The following PIP4K2A variants were observed in gnomAD, a reference collection of about 807,000 sequenced individuals.
PIP4K2A encodes phosphatidylinositol-5-phosphate 4-kinase type 2 alpha, also known as phosphatidylinositol 5-phosphate 4-kinase type-2 alpha.
In PIP4K2A, 14 loss-of-function variants were observed where a neutral mutation model predicts 42.9. The observed-to-expected ratio is 0.33, with a 90% confidence interval of 0.22 to 0.51. The LOEUF (loss-of-function observed/expected upper bound fraction) is 0.51. Among genes scored for constraint, PIP4K2A ranks in the 20% least tolerant of loss-of-function variants. The pLI is 0.97. For missense variants in PIP4K2A, 434 were observed against 519.8 expected (o/e 0.83, Z 1.61); for synonymous variants, 192 against 192.2 (o/e 1.00, Z 0.01).
At chr10:22,566,984 AAAC>A (rs1170462800) in intron 6 of PIP4K2A, among the ~76,000 whole-genome samples, 4 of 152,250 alleles carry the variant, frequency 2.6e-5, no homozygotes, top group African/African-American at 7.2e-5. Context: ...CTGAATGAAC[AAAC>A]AAAAGTAGAT....
At chr10:22,640,724 CG>C (rs111280378) in intron 1 of PIP4K2A, among the ~76,000 whole-genome samples, 76 of 152,254 alleles carry the variant, frequency 5.0e-4, no homozygotes, top group African/African-American at 1.7e-3. Flanking sequence ...GGAATCTAAA[CG>C]GGGTGATTGA....
At chr10:22,554,106 A>C (rs571077222) in intron 6 of PIP4K2A, among the ~76,000 whole-genome samples, 1 of 152,162 alleles carries the variant, frequency 6.6e-6, no homozygotes, top group East Asian at 1.9e-4. Context: ...GCGCCACTGC[A>C]CTCCAGCCTG....
At chr10:22,540,152 G>T in intron 8 of PIP4K2A, 78 bp from the exon 9 acceptor site, 2 of 787,252 alleles carry the variant, frequency 2.5e-6, no homozygotes, top group Non-Finnish European at 2.3e-6. Context: ...GAGGGAGGGA[G>T]GGAGAAGTGA....
At chr10:22,657,175 T>C (rs762438438) in intron 1 of PIP4K2A, among the ~76,000 whole-genome samples, 2 of 152,170 alleles carry the variant, frequency 1.3e-5, no homozygotes, top group Admixed American at 6.5e-5. Context: ...CAGGCCACAA[T>C]TGGAACAGAA....
intron 1 of PIP4K2A, among the ~76,000 whole-genome samples, chr10:22,700,584 A>T (rs192103759): frequency 2.2e-4 from 33 of 152,146 alleles, no homozygotes; most frequent in Non-Finnish European, 4.0e-4. Context: ...ACAACTCACA[A>T]AAAGGGTGCC....
At chr10:22,595,802 T>C (rs1429498179) in intron 3 of PIP4K2A, among the ~76,000 whole-genome samples, 1 of 152,196 alleles carries the variant, frequency 6.6e-6, no homozygotes, top group Non-Finnish European at 1.5e-5. Context: ...GTAGATTGCA[T>C]TTAGTCTCTT....
chr10:22,668,048 T>C (rs1170904277), intron 1 of PIP4K2A, among the ~76,000 whole-genome samples: 1 of 151,908 alleles, frequency 6.6e-6, no homozygotes, highest in East Asian at 1.9e-4. Flanking sequence ...GCCTCCCAGG[T>C]TCAAGCAATT....
chr10:22,578,570 CA>C, intron 4 of PIP4K2A, among the ~76,000 whole-genome samples: 1 of 152,318 alleles, frequency 6.6e-6, no homozygotes, highest in Admixed American at 6.5e-5. Flanking sequence ...TCTACATGCC[CA>C]TTGTCAGGGC....
At chr10:22,698,931 GAAGA>G (rs902292648) in intron 1 of PIP4K2A, among the ~76,000 whole-genome samples, 28 of 152,134 alleles carry the variant, frequency 1.8e-4, no homozygotes, top group Middle Eastern at 3.2e-3. Flanking sequence ...ATAAGCATAA[GAAGA>G]AAGAAGCTTT....
At chr10:22,585,153 T>G (rs1048807095) in intron 4 of PIP4K2A, among the ~76,000 whole-genome samples, 2 of 152,202 alleles carry the variant, frequency 1.3e-5, no homozygotes, top group Non-Finnish European at 2.9e-5. Flanking sequence ...TGGTCCCTAT[T>G]TTCTCAGTTT....
intron 1 of PIP4K2A, among the ~76,000 whole-genome samples, chr10:22,664,184 T>TATATATAC (rs1205054947): frequency 1.3e-5 from 1 of 79,122 alleles, no homozygotes; most frequent in African/African-American, 8.9e-5. Flanking sequence ...TATATATACA[T>TATATATAC]ATATATACAT....
chr10:22,542,082 C>A, intron 7 of PIP4K2A, 35 bp from the exon 8 acceptor site: 1 of 1,554,950 alleles, frequency 6.4e-7, no homozygotes, highest in Non-Finnish European at 8.7e-7. Flanking sequence ...GTCAGCCACA[C>A]CTTAAACATA....
intron 1 of PIP4K2A, among the ~76,000 whole-genome samples, chr10:22,688,246 C>T (rs1395825443): frequency 6.6e-6 from 1 of 152,158 alleles, no homozygotes; most frequent in African/African-American, 2.4e-5. Flanking sequence ...AAAAAGAAAA[C>T]TGGTAACACT....
intron 4 of PIP4K2A, among the ~76,000 whole-genome samples, chr10:22,585,894 T>G (rs1274976268): frequency 6.6e-6 from 1 of 152,086 alleles, no homozygotes; most frequent in East Asian, 1.9e-4. Context: ...CTGTGTCCAG[T>G]CAATACTTTT....
intron 3 of PIP4K2A, among the ~76,000 whole-genome samples, chr10:22,596,164 C>CATTG (rs1353992154): frequency 2.4e-5 from 3 of 124,362 alleles, no homozygotes; most frequent in Non-Finnish European, 4.7e-5. Context: ...GAGATTGTGC[C>CATTG]ATTGCACTCC....
intron 1 of PIP4K2A, among the ~76,000 whole-genome samples, chr10:22,650,258 G>C (rs1838965023): frequency 6.6e-6 from 1 of 152,092 alleles, no homozygotes; most frequent in Non-Finnish European, 1.5e-5. Flanking sequence ...TTTAGCCTCA[G>C]TTTTCTTTTT....
intron 1 of PIP4K2A, among the ~76,000 whole-genome samples, chr10:22,673,292 C>A (rs1839490821): frequency 6.6e-6 from 1 of 152,214 alleles, no homozygotes; most frequent in African/African-American, 2.4e-5. Context: ...GATCCTCCAA[C>A]TAAACTGATT....
At position 22,623,380 on chromosome 10, in the gene PIP4K2A, T is replaced by G. The variant is rs1306168760; in HGVS notation, c.145-13663A>C. 2.0e-5 allele frequency among the ~76,000 whole-genome samples: 3 copies of G among 152,248 alleles called. No homozygotes were observed. In the East Asian group the frequency reaches 5.8e-4, roughly 29 times the overall value. ...CCAAAGTGCTCACGAAGGAAGCGTC[T>G]AACTCAGGGGCAGACCGCAGCTCTA... On this transcript the variant is annotated intron_variant, in intron 1 of 9. Coordinates refer to ENST00000376573, the MANE Select transcript of PIP4K2A (RefSeq NM_005028.5).
At chr10:22,608,577 A>G (rs1408758933) in intron 2 of PIP4K2A, among the ~76,000 whole-genome samples, 1 of 152,232 alleles carries the variant, frequency 6.6e-6, no homozygotes, top group East Asian at 1.9e-4. Flanking sequence ...AAGAAATTTC[A>G]TAATTGGCCT....
Sources: gnomAD v4.1 joint callset for allele counts (sites outside exome capture counted in the v4.1 genomes callset) on GRCh38, gnomAD v4.1.1 for gene constraint, MANE v1.5 for transcripts, NCBI Gene and HGNC (gene_info 2026-07-23, HGNC 2026-07-21) for gene names.